The following KDM4C variants were observed in gnomAD, a reference collection of about 807,000 sequenced individuals.
The protein encoded by KDM4C is lysine-specific demethylase 4C.
KDM4C carries 81 observed loss-of-function variants against 129.3 expected under a neutral mutation model. The ratio of observed to expected loss-of-function variants is 0.63; its 90% CI spans 0.52 to 0.75. The LOEUF is 0.75. Ranked by LOEUF, KDM4C falls within the 30% of genes least tolerant of loss-of-function variation. The pLI, the probability that KDM4C is intolerant of heterozygous loss-of-function variation, is 0.00. For synonymous variants in KDM4C, 573 were observed against 456.1 expected (o/e 1.26, Z -3.26); for missense variants, 1,457 against 1,304.0 (o/e 1.12, Z -1.81).
At chr9:7,092,631 T>C (rs1835936245) in intron 17 of KDM4C, among the ~76,000 whole-genome samples, 1 of 152,204 alleles carries the variant, frequency 6.6e-6, no homozygotes, top group Non-Finnish European at 1.5e-5. Flanking sequence ...TGGGCACTTC[T>C]TCTGTGGGCT....
intron 17 of KDM4C, among the ~76,000 whole-genome samples, chr9:7,078,491 A>G (rs1279128247): frequency 1.3e-5 from 2 of 151,538 alleles, no homozygotes; most frequent in East Asian, 3.9e-4. Flanking sequence ...TCACAATTCC[A>G]TATTCATGTT....
At chr9:7,089,673 A>G (rs1232739977) in intron 17 of KDM4C, among the ~76,000 whole-genome samples, 1 of 152,224 alleles carries the variant, frequency 6.6e-6, no homozygotes, top group Non-Finnish European at 1.5e-5. Context: ...AGTCCAAGTT[A>G]CATGTTCCCA....
At chr9:7,136,698 G>A (rs1841242893) in intron 19 of KDM4C, among the ~76,000 whole-genome samples, 1 of 152,128 alleles carries the variant, frequency 6.6e-6, no homozygotes, top group Non-Finnish European at 1.5e-5. Context: ...TGAGTTGTGG[G>A]AATTTTTTAA....
chr9:7,126,333 T>C (rs1840023370), intron 18 of KDM4C, among the ~76,000 whole-genome samples: 1 of 152,210 alleles, frequency 6.6e-6, no homozygotes, highest in Admixed American at 6.5e-5. Context: ...ATTCTTAATT[T>C]AAAAATAAAA....
In KDM4C at chr9:6,976,491, G is replaced by A. The variant is rs116318057; in HGVS notation, c.922-4434G>A. On this transcript the variant is annotated intron_variant, in intron 8 of 21. Transcript: ENST00000381309. ...GTATTAATAACATATAAACTGTTGG[G>A]TTCTTAAAGCCATTGAACATTTTGC... Among the ~76,000 whole-genome samples the A allele has an allele frequency of 5.2e-3, 791 of 152,142 alleles. 9 individuals carry two copies. The highest frequency in any genetic ancestry group is 0.018 in the African/African-American group (754 of 41,504).
At chr9:6,913,922 A>T (rs1445838934) in intron 8 of KDM4C, among the ~76,000 whole-genome samples, 1 of 152,198 alleles carries the variant, frequency 6.6e-6, no homozygotes, top group Admixed American at 6.5e-5. Context: ...AGAGCAGGGA[A>T]TGAGCTAACA....
intron 18 of KDM4C, among the ~76,000 whole-genome samples, chr9:7,116,229 G>A (rs1323406): frequency 0.45 from 68,152 of 151,894 alleles, 15,609 homozygotes; most frequent in East Asian, 0.74. Context: ...TTTGTCCCTC[G>A]AGTGGGCCTT....
At chr9:7,068,021 C>A (rs1174522921) in intron 17 of KDM4C, among the ~76,000 whole-genome samples, 1 of 152,166 alleles carries the variant, frequency 6.6e-6, no homozygotes, top group Non-Finnish European at 1.5e-5. Context: ...TGGTCTCGAT[C>A]TCCTGACCTC....
At chr9:6,982,471 G>C (rs1274030571) in intron 9 of KDM4C, 1 of 152,172 alleles carries the variant, frequency 6.6e-6, no homozygotes, top group African/African-American at 2.4e-5. Context: ...TCTGTGGTAA[G>C]GGCAAATATT....
chr9:6,858,359 G>A (rs756396982), intron 5 of KDM4C, among the ~76,000 whole-genome samples: 7 of 150,982 alleles, frequency 4.6e-5, no homozygotes, highest in South Asian at 2.1e-4. Context: ...CCACCACCAC[G>A]ACCACCACCA....
intron 19 of KDM4C, among the ~76,000 whole-genome samples, chr9:7,143,776 C>G (rs575326532): frequency 3.3e-5 from 5 of 152,290 alleles, no homozygotes; most frequent in African/African-American, 1.2e-4. Flanking sequence ...TAGATTGATT[C>G]ATTATCCACT....
At chr9:6,723,881 AT>A (rs1174859137) in intron 1 of KDM4C, 1 of 152,172 alleles carries the variant, frequency 6.6e-6, no homozygotes, top group Non-Finnish European at 1.5e-5. Flanking sequence ...ACATACCCAA[AT>A]GGTTGTAACT....
chr9:6,778,579 C>G (rs1433372135), intron 1 of KDM4C, among the ~76,000 whole-genome samples: 2 of 146,838 alleles, frequency 1.4e-5, no homozygotes, highest in Non-Finnish European at 3.0e-5. Context: ...CCAGCCTGAC[C>G]AACATGGTGA....
chr9:7,144,935 G>A (rs558656099), intron 19 of KDM4C, among the ~76,000 whole-genome samples: 49 of 152,354 alleles, frequency 3.2e-4, no homozygotes, highest in Admixed American at 5.9e-4. Flanking sequence ...TACCACAGAA[G>A]CTTTGTGAAA....
intron 8 of KDM4C, among the ~76,000 whole-genome samples, chr9:6,938,377 A>G (rs1031511759): frequency 2.6e-5 from 4 of 152,182 alleles, no homozygotes; most frequent in Non-Finnish European, 4.4e-5. Context: ...TTTTAGGAGG[A>G]TGAAAAGAAA....
intron 8 of KDM4C, among the ~76,000 whole-genome samples, chr9:6,934,651 A>G (rs1401344034): frequency 6.6e-6 from 1 of 151,652 alleles, no homozygotes; most frequent in Non-Finnish European, 1.5e-5. Context: ...TTTAGTAGAG[A>G]TGGGGTTTCA....
At chr9:7,124,062 C>T (rs1344133433) in intron 18 of KDM4C, among the ~76,000 whole-genome samples, 2 of 152,156 alleles carry the variant, frequency 1.3e-5, no homozygotes, top group African/African-American at 4.8e-5. Flanking sequence ...CTCCTTTGTG[C>T]TTCATCCTGT....
chr9:6,773,861 C>G (rs1395210122), intron 1 of KDM4C, among the ~76,000 whole-genome samples: 1 of 151,466 alleles, frequency 6.6e-6, no homozygotes, highest in Non-Finnish European at 1.5e-5. Flanking sequence ...CAAGTTATTT[C>G]CATTTTAAGG....
rs79117937 is a variant in KDM4C, at chr9:6,930,909, C to G, written c.921+37677C>G. On this transcript the variant is annotated intron_variant, in intron 8 of 21. Transcript: ENST00000381309. ...GCAAAAATGCAGGGGCTTGGTCCCA[C>G]TCCTTTGCATCTGCAGTTTGCAGTA... 1.1e-3 allele frequency among the ~76,000 whole-genome samples: 173 copies of G among 152,260 alleles called. 3 individuals carry two copies. In the East Asian group the frequency reaches 0.031, roughly 28 times the overall value.
Sources: gnomAD v4.1 joint callset for allele counts (sites outside exome capture counted in the v4.1 genomes callset) on GRCh38, gnomAD v4.1.1 for gene constraint, MANE v1.5 for transcripts, NCBI Gene and HGNC (gene_info 2026-07-23, HGNC 2026-07-21) for gene names.